The following WBP1L variants were observed in gnomAD, a reference collection of about 807,000 sequenced individuals.
WBP1L encodes the protein WW domain binding protein 1 like, also known as WW domain binding protein 1-like.
A neutral mutation model predicts 33.7 loss-of-function variants in WBP1L; 17 were observed. That is an observed-to-expected ratio of 0.50 (90% CI 0.34 to 0.76). The LOEUF is 0.76. Among genes scored for constraint, WBP1L ranks in the 30% least tolerant of loss-of-function variants. The probability of loss-of-function intolerance (pLI) is 0.01; values close to 1 mark genes in which losing one functional copy is unlikely to be tolerated. For missense variants in WBP1L, 389 were observed against 469.4 expected (o/e 0.83, Z 1.58); for synonymous variants, 173 against 190.8 (o/e 0.91, Z 0.77).
intron 1 of WBP1L, among the ~76,000 whole-genome samples, chr10:102,794,619 G>A (rs984025818): frequency 6.6e-6 from 1 of 151,356 alleles, no homozygotes; most frequent in Non-Finnish European, 1.5e-5. Flanking sequence ...GTGTGGTGGC[G>A]TGCACCTGTA....
chr10:102,799,600 G>T (rs1843623271), intron 2 of WBP1L, among the ~76,000 whole-genome samples: 1 of 152,172 alleles, frequency 6.6e-6, no homozygotes, highest in African/African-American at 2.4e-5. Flanking sequence ...CATTGCCGTA[G>T]TTCTTACAAT....
intron 1 of WBP1L, among the ~76,000 whole-genome samples, chr10:102,771,906 G>A (rs992694641): frequency 1.3e-5 from 2 of 152,066 alleles, no homozygotes; most frequent in East Asian, 1.9e-4. Context: ...AGACTGCCTC[G>A]GTAGAAGGAT....
At chr10:102,775,040 G>A (rs1270353725) in intron 1 of WBP1L, among the ~76,000 whole-genome samples, 2 of 149,608 alleles carry the variant, frequency 1.3e-5, no homozygotes, top group African/African-American at 2.5e-5. Flanking sequence ...GCTTGAGCTC[G>A]GAAGGCAGAG....
intron 2 of WBP1L, among the ~76,000 whole-genome samples, chr10:102,807,241 A>G (rs1843749983): frequency 6.6e-6 from 1 of 152,178 alleles, no homozygotes; most frequent in African/African-American, 2.4e-5. Context: ...GTTGAGAAAA[A>G]AATATTCTTT....
In WBP1L at chr10:102,744,514, G is replaced by C. The variant is rs556236150; in HGVS notation, c.90+371G>C. The C allele has an allele frequency of 3.1e-6, 3 of 973,758 alleles. No individual in the cohort carries two copies. In the African/African-American group the frequency reaches 5.3e-5, roughly 17 times the overall value. 60.3% of individuals were successfully genotyped at this position (973,758 alleles called of 1,614,324 possible). On this transcript the variant is annotated intron_variant, in intron 1 of 3. Transcript: ENST00000448841. ...GCAGTATGTACGTCTGTGTGTGTAG[G>C]GGTACACAGGCTATTGAGTTGGCCT...
In WBP1L at chr10:102,813,255, C is replaced by T. The variant is rs755511610; in HGVS notation, c.1016C>T (p.Pro339Leu). 26 of 1,612,932 alleles carry T rather than the reference C, an allele frequency of 1.6e-5. No homozygotes were observed. The Middle Eastern group carries it at 6.6e-4, about 41-fold the overall frequency. ...REPGHPHLPR[P>L]PACLLLNTIN... ...CCTGGGCACCCGCACCTGCCACGGC[C>T]GCCCGCATGCCTGCTGCTGAACACC... Residue 339 changes from proline to leucine, a missense_variant, in exon 4 of 4, where the codon CCG becomes CTG. Transcript: ENST00000448841.
At chr10:102,763,548 A>C (rs1467630601) in intron 1 of WBP1L, among the ~76,000 whole-genome samples, 2 of 152,224 alleles carry the variant, frequency 1.3e-5, no homozygotes, top group African/African-American at 4.8e-5. Context: ...CCAGGTCTGG[A>C]ATGCAAGAGA....
rs1245812075 is a variant in WBP1L at position 102,809,860 on chromosome 10, G to A, written c.194-33G>A. 5 of 1,590,014 alleles carry A rather than the reference G, an allele frequency of 3.1e-6. No homozygotes were observed. The South Asian group carries it at 3.4e-5, about 11-fold the overall frequency. ...TGCCCCTCTGGCTGGTACTCACTGT[G>A]TGCCTCTCTGTCTTGCCTTGCCCAC... On this transcript the variant is annotated intron_variant, in intron 2 of 3. Coordinates refer to ENST00000448841, the MANE Select transcript of WBP1L (RefSeq NM_001083913.2).
At chr10:102,805,237 C>G (rs1843713593) in intron 2 of WBP1L, among the ~76,000 whole-genome samples, 1 of 152,078 alleles carries the variant, frequency 6.6e-6, no homozygotes, top group Non-Finnish European at 1.5e-5. Context: ...GTTCTGGTCT[C>G]TACTGTACTC....
At chr10:102,763,370 T>G (rs1843068147) in intron 1 of WBP1L, among the ~76,000 whole-genome samples, 1 of 152,144 alleles carries the variant, frequency 6.6e-6, no homozygotes, top group South Asian at 2.1e-4. Context: ...AACCGTAAGC[T>G]TATACATTGT....
chr10:102,749,486 T>C (rs1169985838), intron 1 of WBP1L, among the ~76,000 whole-genome samples: 1 of 151,804 alleles, frequency 6.6e-6, no homozygotes, highest in Admixed American at 6.6e-5. Flanking sequence ...AAAAAATTTT[T>C]TTTTAAGTAG....
chr10:102,805,095 A>G (rs1457584701), intron 2 of WBP1L, among the ~76,000 whole-genome samples: 1 of 152,052 alleles, frequency 6.6e-6, no homozygotes, highest in Non-Finnish European at 1.5e-5. Flanking sequence ...CAGCCTGGGC[A>G]ACAAAGTGAG....
chr10:102,778,188 C>T (rs370436976), intron 1 of WBP1L, among the ~76,000 whole-genome samples: 1 of 152,326 alleles, frequency 6.6e-6, no homozygotes, highest in South Asian at 2.1e-4. Context: ...TTGATCTACT[C>T]ATTCCCAAAG....
At position 102,750,215 on chromosome 10, in the gene WBP1L, G is replaced by A. The variant is rs189333445; in HGVS notation, c.90+6072G>A. On this transcript the variant is annotated intron_variant, in intron 1 of 3. Transcript: ENST00000448841. Reference sequence around the variant, plus strand: ...TTGAGGTCAGGAGTTCTAGACCAGCGTGGCCAACATGGTGAAACCTCATCT... The same window carrying A: ...TTGAGGTCAGGAGTTCTAGACCAGCATGGCCAACATGGTGAAACCTCATCT... 1.4e-3 allele frequency among the ~76,000 whole-genome samples: 216 copies of A among 151,322 alleles called. 1 individual carries two copies. The highest frequency in any genetic ancestry group is 4.9e-3 in the African/African-American group (201 of 41,306).
chr10:102,752,080 AG>A (rs1306523372), intron 1 of WBP1L, among the ~76,000 whole-genome samples: 1 of 151,996 alleles, frequency 6.6e-6, no homozygotes. Context: ...AGGTTTGGGG[AG>A]AATTTTGTCC....
chr10:102,761,903 A>G (rs1375059894), intron 1 of WBP1L, among the ~76,000 whole-genome samples: 2 of 152,144 alleles, frequency 1.3e-5, no homozygotes, highest in African/African-American at 2.4e-5. Flanking sequence ...GCTGGAGTGC[A>G]GTGGCGTGAT....
Position 102,743,955 on chromosome 10 carries a change from A to G in WBP1L, c.-99A>G, listed in dbSNP as rs1215726027. On this transcript the variant is annotated 5_prime_UTR_variant, in exon 1 of 4. Coordinates refer to ENST00000448841, the MANE Select transcript of WBP1L (RefSeq NM_001083913.2). ...CGGAAGCGGGAGGGGAGCGTCAAAC[A>G]GGAAAAGAAGGGAAGAAGGAAGAAG... 2.8e-5 allele frequency: 27 copies of G among 967,946 alleles called. 2 individuals carry two copies. The South Asian group carries it at 4.2e-4, about 15-fold the overall frequency. The allele number at this position is 967,946 out of a possible 1,614,324, so 60.0% of individuals were successfully genotyped here. A position where few individuals can be genotyped will look rare whatever the true frequency, so the allele number is the denominator to read the frequency against.
intron 3 of WBP1L, among the ~76,000 whole-genome samples, chr10:102,810,713 T>G (rs974100903): frequency 6.6e-6 from 1 of 151,612 alleles, no homozygotes; most frequent in Non-Finnish European, 1.5e-5. Flanking sequence ...ATTACAGGCA[T>G]GCACCACCAC....
At chr10:102,764,595 C>T (rs4919676) in intron 1 of WBP1L, among the ~76,000 whole-genome samples, 109,717 of 151,974 alleles carry the variant, frequency 0.72, 39,890 homozygotes, top group East Asian at 0.9. Flanking sequence ...TCTCTGGTTT[C>T]ACCACCTTTA....
Sources: gnomAD v4.1 joint callset for allele counts (sites outside exome capture counted in the v4.1 genomes callset) on GRCh38, gnomAD v4.1.1 for gene constraint, MANE v1.5 for transcripts, NCBI Gene and HGNC (gene_info 2026-07-23, HGNC 2026-07-21) for gene names.